The following ATP8A2 variants were observed in gnomAD, a reference collection of about 807,000 sequenced individuals.
ATP8A2 encodes the protein phospholipid-transporting ATPase IB.
Under a neutral mutation model 165.6 loss-of-function variants are expected in ATP8A2, and 100 were observed. The ratio of observed to expected loss-of-function variants is 0.60; its 90% CI spans 0.51 to 0.71. The LOEUF is 0.71. ATP8A2 is among the 30% of genes least tolerant of loss of function. The pLI, the probability that ATP8A2 is intolerant of heterozygous loss-of-function variation, is 0.00. For missense variants in ATP8A2, 1,227 were observed against 1,479.5 expected, an observed-to-expected ratio of 0.83 and a Z score of 2.80; for synonymous variants, 543 against 548.8, an observed-to-expected ratio of 0.99 and a Z score of 0.15.
intron 35 of ATP8A2, among the ~76,000 whole-genome samples, chr13:25,985,686 T>C (rs191839252): frequency 3.3e-4 from 51 of 152,304 alleles, no homozygotes; most frequent in African/African-American, 1.2e-3. Flanking sequence ...TGACCCAAAG[T>C]AATGGGGACT....
chr13:25,747,205 A>G (rs1317981434), intron 25 of ATP8A2, among the ~76,000 whole-genome samples: 2 of 152,204 alleles, frequency 1.3e-5, no homozygotes, highest in Non-Finnish European at 2.9e-5. Flanking sequence ...CTTAGCTACA[A>G]TTCATTTATT....
intron 2 of ATP8A2, among the ~76,000 whole-genome samples, chr13:25,499,475 C>T (rs1402095593): frequency 1.3e-5 from 2 of 152,192 alleles, no homozygotes; most frequent in African/African-American, 4.8e-5. Context: ...TAGCTATTGC[C>T]TAGCTATGTG....
In ATP8A2 at chr13:25,372,099, C is replaced by T. The variant is rs1253131624; in HGVS notation, c.-114C>T. 12 of 689,552 alleles carry T rather than the reference C, an allele frequency of 1.7e-5. No individual in the cohort carries two copies. Among genetic ancestry groups the T allele is most frequent in the African/African-American group, 1.3e-4 (7 of 52,632 alleles). The allele number at this position is 689,552 out of a possible 1,614,324, so 42.7% of individuals were successfully genotyped here. On this transcript the variant is annotated 5_prime_UTR_variant, in exon 1 of 37. Coordinates refer to ENST00000381655, the MANE Select transcript of ATP8A2 (RefSeq NM_016529.6). This position sits in a 1 kb window ranked among gnomAD's most constrained non-coding sequence, Gnocchi z 4.8. ...GGCGCCGGCGGTCCCCGCCAGCTAG[C>T]AGCCCGGCGAGGCGCTGGCCCACCC... is the stretch of plus-strand genomic sequence containing the variant.
At chr13:25,625,666 AT>A (rs2041082332) in intron 24 of ATP8A2, among the ~76,000 whole-genome samples, 1 of 152,222 alleles carries the variant, frequency 6.6e-6, no homozygotes, top group Non-Finnish European at 1.5e-5. Context: ...TTAACACTTC[AT>A]TCCACAGAAT....
Position 25,739,680 on chromosome 13 carries a change from C to T in ATP8A2, c.2385-29366C>T, listed in dbSNP as rs1360536718. On this transcript the variant is annotated intron_variant, in intron 25 of 36. Transcript: ENST00000381655. ...TGTTATGAGGATTGGTATGATGTAT[C>T]CTATTTTATTTAAAGAGGAATAAAC... Among the ~76,000 whole-genome samples, 5 of 151,772 alleles carry T rather than the reference C, an allele frequency of 3.3e-5. No individual in the cohort carries two copies. In the East Asian group the frequency reaches 9.7e-4, roughly 29 times the overall value.
At chr13:25,540,483 C>A in intron 8 of ATP8A2, 95 bp downstream of exon 8, 3 of 917,396 alleles carry the variant, frequency 3.3e-6, no homozygotes, top group Non-Finnish European at 5.4e-6. Flanking sequence ...AATATTCAGC[C>A]ACAAAGGGTT....
chr13:25,509,278 G>C (rs1257981249), intron 2 of ATP8A2, among the ~76,000 whole-genome samples: 2 of 152,108 alleles, frequency 1.3e-5, no homozygotes, highest in Non-Finnish European at 2.9e-5. Context: ...CTCTAAATTT[G>C]ACAACCATCA....
intron 1 of ATP8A2, among the ~76,000 whole-genome samples, chr13:25,374,050 G>C (rs79667911): frequency 0.072 from 10,971 of 152,246 alleles, 686 homozygotes; most frequent in East Asian, 0.18. Flanking sequence ...AATGTGTACA[G>C]ATGTGACTTA....
chr13:25,726,716 TA>T (rs2043501911), intron 25 of ATP8A2, among the ~76,000 whole-genome samples: 1 of 152,182 alleles, frequency 6.6e-6, no homozygotes, highest in Non-Finnish European at 1.5e-5. Flanking sequence ...TTTTGCCACC[TA>T]AAGTAACATT....
chr13:25,696,983 T>C (rs1175344492), intron 24 of ATP8A2, among the ~76,000 whole-genome samples: 2 of 152,180 alleles, frequency 1.3e-5, no homozygotes, highest in Non-Finnish European at 1.5e-5. Flanking sequence ...GATATAATCA[T>C]GAGAAAGAAG....
intron 27 of ATP8A2, among the ~76,000 whole-genome samples, chr13:25,805,831 G>A (rs1950721183): frequency 6.6e-6 from 1 of 152,014 alleles, no homozygotes; most frequent in African/African-American, 2.4e-5. Flanking sequence ...TGATTTGGAT[G>A]CATTCAAAGA....
Position 25,938,957 on chromosome 13 carries a change from C to T in ATP8A2, c.3184-22618C>T, listed in dbSNP as rs189120556. 1.8e-4 allele frequency among the ~76,000 whole-genome samples: 28 copies of T among 152,170 alleles called. No individual in the cohort carries two copies. In the East Asian group the frequency reaches 5.2e-3, roughly 28 times the overall value. ...TGCCTGGTTCAAGCGATTCTCTTGC[C>T]TCAGCCTCCCTAGTAGCTGGGATTG... On this transcript the variant is annotated intron_variant, in intron 33 of 36. Transcript: ENST00000381655.
At chr13:25,669,878 G>T (rs1032800449) in intron 24 of ATP8A2, among the ~76,000 whole-genome samples, 2 of 152,138 alleles carry the variant, frequency 1.3e-5, no homozygotes, top group African/African-American at 4.8e-5. Context: ...CCTCTGTGCA[G>T]CCCCTCAGGG....
intron 25 of ATP8A2, among the ~76,000 whole-genome samples, chr13:25,699,661 A>G (rs1413802088): frequency 1.3e-5 from 2 of 152,178 alleles, no homozygotes; most frequent in East Asian, 3.9e-4. Context: ...ACTGGGGTCC[A>G]ACCTACTGCA....
At chr13:25,869,088 AAAAAAC>A (rs1952607458) in intron 33 of ATP8A2, among the ~76,000 whole-genome samples, 2 of 151,846 alleles carry the variant, frequency 1.3e-5, no homozygotes, top group African/African-American at 2.4e-5. Context: ...AAAAAAAAAA[AAAAAAC>A]CTTTTAATTG....
At chr13:25,961,545 T>A in intron 33 of ATP8A2, 30 bp from the exon 34 acceptor site, 1 of 1,522,204 alleles carries the variant, frequency 6.6e-7, no homozygotes, top group Non-Finnish European at 9.1e-7. Flanking sequence ...GAGAAAGTAT[T>A]CAAGCAAGTG....
intron 1 of ATP8A2, among the ~76,000 whole-genome samples, chr13:25,376,630 A>C (rs922469914): frequency 2.6e-5 from 4 of 152,242 alleles, no homozygotes; most frequent in African/African-American, 9.6e-5. Flanking sequence ...TGCATGCACT[A>C]ACTGACACAT....
At chr13:25,927,230 T>G (rs1413310322) in intron 33 of ATP8A2, 2 of 456,744 alleles carry the variant, frequency 4.4e-6, no homozygotes, top group African/African-American at 4.0e-5. Flanking sequence ...CTCCACACAC[T>G]GGAAACTGCA....
chr13:25,500,609 A>G lies in ATP8A2; in HGVS notation c.222-29390A>G, dbSNP rs577451015. Among the ~76,000 whole-genome samples, 218 of 152,180 alleles carry G rather than the reference A, an allele frequency of 1.4e-3. 1 individual carries two copies. The highest frequency in any genetic ancestry group is 5.1e-3 in the African/African-American group (211 of 41,520). On this transcript the variant is annotated intron_variant, in intron 2 of 36. Coordinates refer to ENST00000381655, the MANE Select transcript of ATP8A2 (RefSeq NM_016529.6). ...CAATATATAATTTTTTTTTTGAGAC[A>G]GGGTCTCACTCTGTTGCCCAGTCTG...
Sources: gnomAD v4.1 joint callset for allele counts (sites outside exome capture counted in the v4.1 genomes callset) on GRCh38, gnomAD v4.1.1 for gene constraint, Gnocchi (gnomAD v3.1) non-coding constraint, MANE v1.5 for transcripts, NCBI Gene and HGNC (gene_info 2026-07-23, HGNC 2026-07-21) for gene names.